The following CDCA7 variants were observed in gnomAD, a reference collection of about 807,000 sequenced individuals.
CDCA7 encodes the protein cell division cycle-associated protein 7.
CDCA7 carries 28 observed loss-of-function variants against 54.0 expected under a neutral mutation model. That is an observed-to-expected ratio of 0.52 (90% CI 0.38 to 0.71). The LOEUF is 0.71. Among genes scored for constraint, CDCA7 ranks in the 30% least tolerant of loss-of-function variants. The pLI is 0.00. For synonymous variants in CDCA7, 180 were observed against 208.2 expected, an observed-to-expected ratio of 0.86 and a Z score of 1.16; for missense variants, 484 against 586.0, an observed-to-expected ratio of 0.83 and a Z score of 1.80.
chr2:173,365,454 A>T lies in CDCA7; in HGVS notation c.897A>T (p.Glu299Asp). The change falls in exon 7 of 10, where the codon GAA becomes GAT. Residue 299 changes from glutamate (E) to aspartate (D), a missense_variant and splice_region_variant. Physicochemically the swap from Glu to Asp is conservative, Grantham distance 45 (BLOSUM62 2). Coordinates refer to ENST00000306721, the MANE Select transcript of CDCA7 (RefSeq NM_031942.5). Reference protein sequence around the residue: ...KRKTVDGYMNEDDLPRSRRSR... With the variant: ...KRKTVDGYMNDDDLPRSRRSR... The stretch of plus-strand genomic sequence containing the variant: ...GTTTTGTATTCCTTGTAATGCAGGA[A>T]GATGACCTGCCCAGAAGCCGTCGCT... The T allele has an allele frequency of 6.2e-7, 1 of 1,610,444 alleles. No individual in the cohort carries two copies. The highest frequency in any genetic ancestry group is 2.2e-5 in the East Asian group (1 of 44,846).
At chr2:173,365,355 A>G in intron 6 of CDCA7, 97 bp from the exon 7 acceptor site, 2 of 1,359,102 alleles carry the variant, frequency 1.5e-6, no homozygotes, top group South Asian at 2.9e-5. Context: ...CCAGTTTTGA[A>G]TCTCTGTGTT....
chr2:173,363,936 C>G, intron 5 of CDCA7, 41 bp downstream of exon 5: 5 of 1,544,320 alleles, frequency 3.2e-6, no homozygotes, highest in Non-Finnish European at 4.5e-6. Context: ...GTGTTTTGGG[C>G]ACACCTAAGG....
chr2:173,364,797 A>G lies in CDCA7; in HGVS notation c.702A>G (p.Gln234=), dbSNP rs761247476. The G allele has an allele frequency of 2.5e-6, 4 of 1,602,032 alleles. No individual in the cohort carries two copies. The highest frequency in any genetic ancestry group is 2.5e-6 in the Non-Finnish European group (3 of 1,176,500). The change falls in exon 6 of 10, where the codon CAA becomes CAG. Residue 234 remains glutamine (Q), a splice_region_variant and synonymous_variant. Coordinates refer to ENST00000306721, the MANE Select transcript of CDCA7 (RefSeq NM_031942.5). ...TCCCTTATACGTGCTTTGTTTAGCA[A>G]TCAAGGAGACCGCGAAGGCGTACAT... is the stretch of plus-strand genomic sequence containing the variant. ...GRHPLPGSDS[Q]SRRPRRRTFP...
At chr2:173,355,767 C>T (rs1378335819) in intron 1 of CDCA7, among the ~76,000 whole-genome samples, 1 of 147,634 alleles carries the variant, frequency 6.8e-6, no homozygotes, top group African/African-American at 2.5e-5. Context: ...AACGTAGGGT[C>T]GGGCTCCTGG....
In CDCA7 at chr2:173,359,306, G is replaced by T; in HGVS notation, c.199G>T (p.Glu67Ter). 6.2e-7 allele frequency: 1 copy of T among 1,614,168 alleles called. No homozygotes were observed. The highest frequency in any genetic ancestry group is 8.5e-7 in the Non-Finnish European group (1 of 1,180,034). Reference sequence around the variant, plus strand: ...TGAAGAACTGGCAAATGTTTTTTATGAGGACTCTGATAATGAATCTTTCTG... The same window carrying T: ...TGAAGAACTGGCAAATGTTTTTTATTAGGACTCTGATAATGAATCTTTCTG... ...ISEELANVFY[E>*]DSDNESFCGF... Residue 67 changes from glutamate (E) to a stop codon, truncating the protein, a stop_gained, in exon 3 of 10, where the codon GAG becomes TAG. Transcript: ENST00000306721. LOFTEE classifies it high-confidence loss of function.
At chr2:173,360,044 C>A (rs947625390) in intron 3 of CDCA7, among the ~76,000 whole-genome samples, 1 of 152,214 alleles carries the variant, frequency 6.6e-6, no homozygotes, top group Non-Finnish European at 1.5e-5. Flanking sequence ...TGCTGTGCCT[C>A]GGTCCCACTC....
At position 173,363,190 on chromosome 2, in the gene CDCA7, C is replaced by T. The variant is rs752796058; in HGVS notation, c.385-36C>T. The T allele has an allele frequency of 3.8e-6, 6 of 1,589,538 alleles. No individual in the cohort carries two copies. The East Asian group carries it at 1.3e-4, about 36-fold the overall frequency. On this transcript the variant is annotated intron_variant, in intron 3 of 9. Coordinates refer to ENST00000306721, the MANE Select transcript of CDCA7 (RefSeq NM_031942.5). The stretch of plus-strand genomic sequence containing the variant: ...TAGTTATACTGATGCAGCTTGTCTG[C>T]TGATCAAGTCCTAATGACTCAATTG...
intron 1 of CDCA7, among the ~76,000 whole-genome samples, chr2:173,356,401 A>G (rs1441801921): frequency 6.6e-6 from 1 of 152,166 alleles, no homozygotes; most frequent in Non-Finnish European, 1.5e-5. Context: ...CAGTAATGCG[A>G]TGAACACTGC....
At position 173,366,220 on chromosome 2, in the gene CDCA7, G is replaced by GC; in HGVS notation, c.1036-61dup. ...ACGAAGAGGGACATTCTGTAAATAT[G>GC]CCATTTCCTCTGTTGAAAAACAGTG... is the stretch of plus-strand genomic sequence containing the variant. On this transcript the variant is annotated intron_variant, in intron 7 of 9. Transcript: ENST00000306721. This position sits in a 1 kb window ranked among gnomAD's most constrained non-coding sequence, Gnocchi z 4.5. 1 of 1,541,538 alleles carries GC rather than the reference G, an allele frequency of 6.5e-7. No individual in the cohort carries two copies. The highest frequency in any genetic ancestry group is 8.8e-7 in the Non-Finnish European group (1 of 1,138,922).
intron 2 of CDCA7, 101 bp from the exon 3 acceptor site, chr2:173,359,154 G>T: frequency 1.1e-6 from 1 of 936,956 alleles, no homozygotes. Context: ...TTCTCTTGTA[G>T]TGCACTTGTA....
chr2:173,358,533 CAAA>C, intron 1 of CDCA7, 176 bp from the exon 2 acceptor site: 1 of 566,532 alleles, frequency 1.8e-6, no homozygotes, highest in Non-Finnish European at 2.9e-6. Flanking sequence ...CTGCTTCTTA[CAAA>C]AAAAAGAAAG....
rs1370383253 is a variant in CDCA7 at position 173,363,386 on chromosome 2, A to C, written c.545A>C (p.Asn182Thr). 3 of 1,614,142 alleles carry C rather than the reference A, an allele frequency of 1.9e-6. No individual in the cohort carries two copies. The highest frequency in any genetic ancestry group is 2.2e-5 in the East Asian group (1 of 44,884). The change falls in exon 4 of 10, where the codon AAC (asparagine) becomes ACC (threonine). Residue 182 changes from asparagine to threonine, a missense_variant. By Grantham distance (65) the Asn-to-Thr change is moderately conservative. Coordinates refer to ENST00000306721, the MANE Select transcript of CDCA7 (RefSeq NM_031942.5). ...QPSENSVTDS[N>T]SDSEDESGMN... ...TCAGAGAATTCTGTGACTGATTCCAACTCCGATTCAGAAGATGAAAGTGGA... is the reference window on the plus strand; with the variant it reads ...TCAGAGAATTCTGTGACTGATTCCACCTCCGATTCAGAAGATGAAAGTGGA...
intron 6 of CDCA7, 47 bp from the exon 7 acceptor site, chr2:173,365,405 A>G: frequency 6.5e-7 from 1 of 1,547,936 alleles, no homozygotes. Context: ...AATCTCTTTC[A>G]GTTTTTCAGT....
intron 3 of CDCA7, among the ~76,000 whole-genome samples, chr2:173,360,305 G>A (rs536146891): frequency 2.0e-5 from 3 of 152,270 alleles, no homozygotes; most frequent in South Asian, 2.1e-4. Context: ...ATCTGGATGC[G>A]ACACAAACAT....
rs1686765122 is a variant in CDCA7 at position 173,368,622 on chromosome 2, G to A, written c.*958G>A. On this transcript the variant is annotated 3_prime_UTR_variant, in exon 10 of 10. Transcript: ENST00000306721. Reference sequence around the variant, plus strand: ...TAACAATGATAAGTGCCTTTTTGGAGATGTAACTTTTAGCAGTTTGTTAAC... The same window carrying A: ...TAACAATGATAAGTGCCTTTTTGGAAATGTAACTTTTAGCAGTTTGTTAAC... 1 of 152,086 alleles carries A rather than the reference G, an allele frequency of 6.6e-6. No homozygotes were observed. Among genetic ancestry groups the A allele is most frequent in the African/African-American group, 2.4e-5 (1 of 41,354 alleles). 9.4% of individuals were successfully genotyped at this position (152,086 alleles called of 1,614,324 possible). A position where few individuals can be genotyped will look rare whatever the true frequency, so the allele number is the denominator to read the frequency against.
chr2:173,359,104 T>C, intron 2 of CDCA7, 151 bp from the exon 3 acceptor site: 1 of 763,546 alleles, frequency 1.3e-6, no homozygotes, highest in East Asian at 2.7e-5. Context: ...CAGAAATCAT[T>C]TGTAAACCTC....
At chr2:173,358,132 G>A (rs577830684) in intron 1 of CDCA7, among the ~76,000 whole-genome samples, 1 of 151,174 alleles carries the variant, frequency 6.6e-6, no homozygotes, top group Non-Finnish European at 1.5e-5. Context: ...TCCATGAGGC[G>A]GAGCTTGCAG....
In CDCA7 at chr2:173,366,446, A is replaced by G. The variant is rs1397064969; in HGVS notation, c.1185+14A>G. The G allele has an allele frequency of 5.0e-6, 8 of 1,613,532 alleles. No individual in the cohort carries two copies. Among genetic ancestry groups the G allele is most frequent in the Non-Finnish European group, 6.8e-6 (8 of 1,179,656 alleles). On this transcript the variant is annotated intron_variant, in intron 8 of 9. Transcript: ENST00000306721. The surrounding 1 kb of genome is among the most constrained non-coding windows in gnomAD (Gnocchi z 4.5). ...CTGCTGGATCCGGTAGGTGCCTGCC[A>G]GGGGTTGGTCCTGTGGGCTTGAAGG...
rs541138621 is a variant in CDCA7 at position 173,354,987 on chromosome 2, G to A, written c.21+3G>A. The A allele has an allele frequency of 7.0e-6, 10 of 1,427,412 alleles. No individual in the cohort carries two copies. The African/African-American group carries it at 1.2e-4, about 17-fold the overall frequency. The allele number at this position is 1,427,412 out of a possible 1,614,324, so 88.4% of individuals were successfully genotyped here. ...GCATGGACGCTCGCCGCGTGCCGGT[G>A]AGGGCTGGGCGGGCGAACCCGAGGG... On this transcript the variant is annotated splice_donor_region_variant and intron_variant, in intron 1 of 9. Transcript: ENST00000306721.
Sources: allele counts gnomAD v4.1 joint callset (sites outside exome capture counted in the v4.1 genomes callset), GRCh38; gene constraint gnomAD v4.1.1; non-coding constraint Gnocchi (gnomAD v3.1); transcripts MANE v1.5; gene names NCBI Gene and HGNC (gene_info 2026-07-23, HGNC 2026-07-21).